The following MIA2 variants were observed in gnomAD, a reference collection of about 807,000 sequenced individuals.
The protein encoded by MIA2 is MIA SH3 domain ER export factor 2.
MIA2 carries 127 observed loss-of-function variants against 167.8 expected under a neutral mutation model. The ratio of observed to expected loss-of-function variants is 0.76; its 90% CI spans 0.66 to 0.88. The LOEUF (loss-of-function observed/expected upper bound fraction) is 0.88. Among genes scored for constraint, MIA2 ranks in the 40% least tolerant of loss-of-function variants. The pLI is 0.00. For synonymous variants in MIA2, 552 were observed against 541.9 expected (o/e 1.02, Z -0.26); for missense variants, 1,690 against 1,624.7 (o/e 1.04, Z -0.69).
At position 39,279,556 on chromosome 14, in the gene MIA2, T is replaced by C. The variant is rs373911136; in HGVS notation, c.2130+19T>C. The C allele has an allele frequency of 1.2e-5, 18 of 1,504,882 alleles. No homozygotes were observed. Among genetic ancestry groups the C allele is most frequent in the Middle Eastern group, 2.4e-4 (1 of 4,248 alleles). The allele number at this position is 1,504,882 out of a possible 1,614,324, so 93.2% of individuals were successfully genotyped here. A position where few individuals can be genotyped will look rare whatever the true frequency, so the allele number is the denominator to read the frequency against. ...AAAAGAGGTAAGATATTTTTGAAAA[T>C]AATATTCATGTTAGAGTCAGAGAAC... is the stretch of plus-strand genomic sequence containing the variant. On this transcript the variant is annotated intron_variant, in intron 9 of 28. Coordinates refer to ENST00000640607, the MANE Select transcript of MIA2 (RefSeq NM_001329214.4).
intron 9 of MIA2, among the ~76,000 whole-genome samples, chr14:39,287,704 A>G (rs62000664): frequency 6.6e-6 from 1 of 152,028 alleles, no homozygotes; most frequent in Non-Finnish European, 1.5e-5. Context: ...CTGGGACTAC[A>G]GTCATGCGCC....
In MIA2 at chr14:39,308,491, C is replaced by A; in HGVS notation, c.2921C>A (p.Ser974Ter). 1 of 1,568,172 alleles carries A rather than the reference C, an allele frequency of 6.4e-7. No homozygotes were observed. ...CAGACTGAACAAGCATCTTTGCAGT[C>A]AGAAAACACACATTTTGAAAATGAG... is the stretch of plus-strand genomic sequence containing the variant. Reference protein sequence around the residue: ...NLQTEQASLQSENTHFENENQ... With the variant: ...NLQTEQASLQ The change falls in exon 18 of 29, where the codon TCA becomes TAA. Residue 974 changes from serine to a stop codon, truncating the protein, a stop_gained. Transcript: ENST00000640607. LOFTEE classifies it high-confidence loss of function.
rs924219282 is a variant in MIA2, at chr14:39,318,016, G to T, written c.3284+5G>T. The T allele has an allele frequency of 6.4e-7, 1 of 1,558,404 alleles. No homozygotes were observed. The highest frequency in any genetic ancestry group is 1.4e-5 in the African/African-American group (1 of 72,060). ...AAATGCTCACAACAGACAAAAGTAA[G>T]TATCTTAGTGGGAACATTTAAAATT... On this transcript the variant is annotated splice_donor_5th_base_variant and intron_variant, in intron 22 of 28. Coordinates refer to ENST00000640607, the MANE Select transcript of MIA2 (RefSeq NM_001329214.4).
intron 23 of MIA2, chr14:39,386,474 A>G: frequency 6.6e-7 from 1 of 1,516,204 alleles, no homozygotes; most frequent in Non-Finnish European, 9.1e-7. Context: ...CCAGTCTTTT[A>G]CTGCCTGTAC....
At chr14:39,329,075 A>T (rs917754148) in intron 25 of MIA2, among the ~76,000 whole-genome samples, 2 of 152,126 alleles carry the variant, frequency 1.3e-5, no homozygotes, top group African/African-American at 4.8e-5. Context: ...CATTTTCACG[A>T]TATTGATTCT....
chr14:39,299,068 TA>T (rs3065043), intron 13 of MIA2, among the ~76,000 whole-genome samples: 10,845 of 44,084 alleles, frequency 0.25, 988 homozygotes, highest in East Asian at 0.35. Context: ...TCCCTGCCTC[TA>T]AAAAAAAAAA....
intron 23 of MIA2, among the ~76,000 whole-genome samples, chr14:39,357,650 A>G (rs2074564161): frequency 6.6e-6 from 1 of 152,144 alleles, no homozygotes; most frequent in Non-Finnish European, 1.5e-5. Flanking sequence ...CCTAGCCTCG[A>G]TGGTCTTCAC....
chr14:39,370,618 T>C, intron 23 of MIA2: 1 of 346,936 alleles, frequency 2.9e-6, no homozygotes, highest in South Asian at 2.5e-5. Flanking sequence ...CAGCACCTTG[T>C]CCTTCACCAG....
At chr14:39,325,678 A>G (rs2067394249) in intron 24 of MIA2, among the ~76,000 whole-genome samples, 2 of 149,226 alleles carry the variant, frequency 1.3e-5, no homozygotes, top group Admixed American at 1.3e-4. Context: ...AAATTTTTTT[A>G]TATTTGTCTT....
At chr14:39,318,837 A>G (rs1191389418) in intron 22 of MIA2, among the ~76,000 whole-genome samples, 2 of 152,136 alleles carry the variant, frequency 1.3e-5, no homozygotes, top group African/African-American at 4.8e-5. Context: ...TTCATTGTGA[A>G]TAAATATTTA....
At chr14:39,261,378 C>T (rs1467967063) in intron 6 of MIA2, among the ~76,000 whole-genome samples, 1 of 152,122 alleles carries the variant, frequency 6.6e-6, no homozygotes, top group Non-Finnish European at 1.5e-5. Context: ...TTTTCTTAAT[C>T]CAGTCTATCA....
intron 25 of MIA2, among the ~76,000 whole-genome samples, chr14:39,345,357 AGC>A (rs1264156258): frequency 2.0e-5 from 3 of 152,140 alleles, no homozygotes; most frequent in African/African-American, 7.2e-5. Flanking sequence ...TACAGGTGTG[AGC>A]CACCATACCC....
chr14:39,385,146 T>C (rs2075249876), intron 23 of MIA2, among the ~76,000 whole-genome samples: 1 of 152,196 alleles, frequency 6.6e-6, no homozygotes, highest in African/African-American at 2.4e-5. Context: ...ACCATACTGG[T>C]ATACAACAAT....
Position 39,246,893 on chromosome 14 carries a change from T to C in MIA2, c.337-18T>C, listed in dbSNP as rs1180583356. The C allele has an allele frequency of 1.5e-6, 2 of 1,343,872 alleles. No individual in the cohort carries two copies. The highest frequency in any genetic ancestry group is 2.0e-6 in the Non-Finnish European group (2 of 988,012). 83.2% of individuals were successfully genotyped at this position (1,343,872 alleles called of 1,614,324 possible). ...CTAGTACATTCATGTTAATCATATA[T>C]ATATTTTTTCCTTTTAGGAATCTGA... On this transcript the variant is annotated intron_variant, in intron 3 of 28. Transcript: ENST00000640607.
chr14:39,252,937 T>C lies in MIA2; in HGVS notation c.1757T>C (p.Leu586Ser). The C allele has an allele frequency of 6.2e-7, 1 of 1,611,136 alleles. No individual in the cohort carries two copies. Among genetic ancestry groups the C allele is most frequent in the East Asian group, 2.2e-5 (1 of 44,832 alleles). The part of the protein sequence containing the change: ...NSQMVSTDNS[L>S]SSQNYISQKE... ...CAGATGGTTTCAACTGATAACTCTT[T>C]GTCTTCTCAAAATTATATTTCTCAG... The change falls in exon 5 of 29, where the codon TTG becomes TCG. Residue 586 changes from leucine (L) to serine (S), a missense_variant. Leu to Ser is a moderately radical substitution (Grantham distance 145). Transcript: ENST00000640607.
rs1350727248 is a variant in MIA2, at chr14:39,247,222, A to G, written c.648A>G (p.Pro216=). The change falls in exon 4 of 29, where the codon CCA becomes CCG. Residue 216 remains proline (P), a synonymous_variant. Transcript: ENST00000640607. ...GTATTCCAGAAGTGCATGTCCCACCATCTTCAGCTGTGTCTGGAGTCAAAG... is the reference window on the plus strand; with the variant it reads ...GTATTCCAGAAGTGCATGTCCCACCGTCTTCAGCTGTGTCTGGAGTCAAAG... ...QDRIPEVHVP[P]SSAVSGVKEW... The G allele has an allele frequency of 9.3e-6, 15 of 1,614,034 alleles. No individual in the cohort carries two copies. The Admixed American group carries it at 2.5e-4, about 27-fold the overall frequency.
intron 23 of MIA2, among the ~76,000 whole-genome samples, chr14:39,377,966 CA>C (rs1360729016): frequency 6.6e-6 from 1 of 152,134 alleles, no homozygotes; most frequent in Non-Finnish European, 1.5e-5. Flanking sequence ...TTACTTACCA[CA>C]GATCAGGACC....
intron 27 of MIA2, among the ~76,000 whole-genome samples, chr14:39,348,429 CT>C (rs1435485818): frequency 6.6e-6 from 1 of 151,828 alleles, no homozygotes; most frequent in African/African-American, 2.4e-5. Context: ...TTTGCTTTTT[CT>C]TTTTTTCCAG....
At chr14:39,345,436 A>C (rs957968537) in intron 25 of MIA2, among the ~76,000 whole-genome samples, 2 of 152,196 alleles carry the variant, frequency 1.3e-5, no homozygotes, top group Non-Finnish European at 2.9e-5. Context: ...AAAGTTTGAC[A>C]ATGATGACAT....
Sources: gnomAD v4.1 joint callset for allele counts (sites outside exome capture counted in the v4.1 genomes callset) on GRCh38, gnomAD v4.1.1 for gene constraint, MANE v1.5 for transcripts, NCBI Gene and HGNC (gene_info 2026-07-23, HGNC 2026-07-21) for gene names.